The following LYPD6B variants were observed in gnomAD, a reference collection of about 807,000 sequenced individuals.
LYPD6B encodes ly6/PLAUR domain-containing protein 6B.
In LYPD6B, 17 loss-of-function variants were observed where a neutral mutation model predicts 22.8. The observed-to-expected ratio is 0.75, with a 90% confidence interval of 0.51 to 1.12. LYPD6B has a LOEUF of 1.12. LYPD6B is among the 50% of genes most tolerant of loss of function. LYPD6B has a pLI of 0.00. For synonymous variants in LYPD6B, 106 were observed against 91.6 expected (o/e 1.16, Z -0.90); for missense variants, 221 against 258.3 (o/e 0.86, Z 0.99).
intron 1 of LYPD6B, among the ~76,000 whole-genome samples, chr2:149,055,562 G>T (rs1683751152): frequency 6.6e-6 from 1 of 152,156 alleles, no homozygotes. Context: ...TCCTTTCAAT[G>T]ATGTTTTATA....
intron 1 of LYPD6B, among the ~76,000 whole-genome samples, chr2:149,072,433 TA>T (rs1192861412): frequency 1.3e-5 from 2 of 152,152 alleles, no homozygotes; most frequent in African/African-American, 4.8e-5. Flanking sequence ...GTCAATGTAA[TA>T]AATGCTATGA....
chr2:149,089,279 G>A (rs962848626), intron 1 of LYPD6B, among the ~76,000 whole-genome samples: 1 of 152,188 alleles, frequency 6.6e-6, no homozygotes, highest in African/African-American at 2.4e-5. Flanking sequence ...AGTTGGGGTT[G>A]ACTAACCTAT....
chr2:149,088,274 G>A (rs1385399322), intron 1 of LYPD6B, among the ~76,000 whole-genome samples: 1 of 152,098 alleles, frequency 6.6e-6, no homozygotes, highest in Non-Finnish European at 1.5e-5. Context: ...GAACTGTTTA[G>A]GATTTAGGGA....
intron 1 of LYPD6B, among the ~76,000 whole-genome samples, chr2:149,072,570 T>G (rs570956140): frequency 6.8e-6 from 1 of 147,490 alleles, no homozygotes; most frequent in Non-Finnish European, 1.5e-5. Context: ...ACAGTTTCAC[T>G]CTGTTGCCCA....
At chr2:149,167,230 C>T (rs558020407) in intron 3 of LYPD6B, among the ~76,000 whole-genome samples, 3 of 152,232 alleles carry the variant, frequency 2.0e-5, no homozygotes, top group South Asian at 2.1e-4. Context: ...TTGAATAGCT[C>T]AGCCTGCCAT....
chr2:149,129,804 G>A (rs942864420), intron 1 of LYPD6B, among the ~76,000 whole-genome samples: 1 of 152,186 alleles, frequency 6.6e-6, no homozygotes, highest in Non-Finnish European at 1.5e-5. Flanking sequence ...ACTCATCTTT[G>A]TATTGTTCAT....
At chr2:149,053,766 C>T (rs148563407) in intron 1 of LYPD6B, among the ~76,000 whole-genome samples, 108 of 152,282 alleles carry the variant, frequency 7.1e-4, no homozygotes, top group Non-Finnish European at 1.1e-3. Context: ...CCCTGGCAAC[C>T]ACTACTCCAC....
intron 2 of LYPD6B, among the ~76,000 whole-genome samples, chr2:149,155,272 G>T (rs1421945717): frequency 6.6e-6 from 1 of 152,196 alleles, no homozygotes; most frequent in African/African-American, 2.4e-5. Flanking sequence ...CTGGTTATGG[G>T]AACTGAAAGC....
chr2:149,159,390 G>A (rs934008461), intron 2 of LYPD6B, among the ~76,000 whole-genome samples: 3 of 152,034 alleles, frequency 2.0e-5, no homozygotes, highest in Non-Finnish European at 4.4e-5. Flanking sequence ...CCTAATTTTT[G>A]AACCACATCA....
chr2:149,212,964 G>T, intron 5 of LYPD6B, 28 bp from the exon 6 acceptor site: 1 of 1,605,324 alleles, frequency 6.2e-7, no homozygotes, highest in Non-Finnish European at 8.5e-7. Context: ...TTGTTTCTTG[G>T]TTTTGTTTTT....
intron 3 of LYPD6B, among the ~76,000 whole-genome samples, chr2:149,196,004 A>C (rs755168198): frequency 7.2e-5 from 11 of 152,154 alleles, no homozygotes; most frequent in African/African-American, 1.4e-4. Context: ...CAGCATTTAC[A>C]CTTGACTTTA....
At chr2:149,098,640 A>AG (rs1439453539) in intron 1 of LYPD6B, among the ~76,000 whole-genome samples, 48 of 138,864 alleles carry the variant, frequency 3.5e-4, no homozygotes, top group African/African-American at 1.3e-3. Flanking sequence ...AAAAAAAAAA[A>AG]AAAAAAAAAG....
At chr2:149,045,639 C>G (rs1683273378) in intron 1 of LYPD6B, among the ~76,000 whole-genome samples, 1 of 151,954 alleles carries the variant, frequency 6.6e-6, no homozygotes, top group South Asian at 2.1e-4. Context: ...TTTGAGACTA[C>G]TTATTGACCC....
At chr2:149,156,000 C>A (rs116745426) in intron 2 of LYPD6B, among the ~76,000 whole-genome samples, 2,591 of 152,266 alleles carry the variant, frequency 0.017, 82 homozygotes, top group African/African-American at 0.059. Context: ...GATTTTTACC[C>A]CTACTCTTCC....
intron 3 of LYPD6B, among the ~76,000 whole-genome samples, chr2:149,203,987 A>G (rs1213019427): frequency 6.6e-6 from 1 of 152,242 alleles, no homozygotes; most frequent in Non-Finnish European, 1.5e-5. Context: ...ATGCTTGTAT[A>G]TGCAGAGATC....
chr2:149,212,549 T>C (rs898668646), intron 5 of LYPD6B, among the ~76,000 whole-genome samples: 1 of 152,088 alleles, frequency 6.6e-6, no homozygotes, highest in Non-Finnish European at 1.5e-5. Flanking sequence ...AGAAAAATGA[T>C]GAGTAATGAA....
chr2:149,203,001 G>C (rs150386720), intron 3 of LYPD6B, among the ~76,000 whole-genome samples: 7 of 152,296 alleles, frequency 4.6e-5, no homozygotes, highest in African/African-American at 1.7e-4. Flanking sequence ...TTTGGATACA[G>C]GTATTTGAGC....
intron 1 of LYPD6B, among the ~76,000 whole-genome samples, chr2:149,091,475 C>T (rs1685647670): frequency 6.6e-6 from 1 of 151,916 alleles, no homozygotes; most frequent in South Asian, 2.1e-4. Context: ...ATTTATTTTA[C>T]TCTCTTAGTG....
At chr2:149,166,221 G>A (rs1466641972) in intron 3 of LYPD6B, among the ~76,000 whole-genome samples, 1 of 152,140 alleles carries the variant, frequency 6.6e-6, no homozygotes, top group Non-Finnish European at 1.5e-5. Context: ...CTATCCCAAG[G>A]AAAGGGTGGG....
Sources: gnomAD v4.1 joint callset for allele counts (sites outside exome capture counted in the v4.1 genomes callset) on GRCh38, gnomAD v4.1.1 for gene constraint, MANE v1.5 for transcripts, NCBI Gene and HGNC (gene_info 2026-07-23, HGNC 2026-07-21) for gene names.